RALGAPB: variants seen among roughly 807,000 people sequenced by gnomAD.
The protein encoded by RALGAPB is ral GTPase-activating protein subunit beta.
In RALGAPB, 25 loss-of-function variants were observed where a neutral mutation model predicts 161.1. The observed-to-expected ratio is 0.16, with a 90% confidence interval of 0.11 to 0.22. The LOEUF is 0.22. RALGAPB is among the 10% of genes least tolerant of loss of function. The pLI is 1.00. For missense variants in RALGAPB, 1,391 were observed against 1,815.2 expected (o/e 0.77, Z 4.25); for synonymous variants, 629 against 626.1 (o/e 1.00, Z -0.07).
chr20:38,564,545 C>T (rs1217779561), intron 24 of RALGAPB, among the ~76,000 whole-genome samples: 1 of 152,044 alleles, frequency 6.6e-6, no homozygotes, highest in East Asian at 1.9e-4. Context: ...GTCCATTTCC[C>T]CTTTCCAATT....
chr20:38,520,396 T>C (rs936951708), intron 9 of RALGAPB: 3 of 259,156 alleles, frequency 1.2e-5, no homozygotes, highest in Admixed American at 1.3e-4. Context: ...GAAAAATACT[T>C]TTCTGTGTTT....
intron 13 of RALGAPB, among the ~76,000 whole-genome samples, chr20:38,530,601 CTT>C (rs761028236): frequency 5.7e-5 from 8 of 140,912 alleles, no homozygotes; most frequent in Non-Finnish European, 4.7e-5. Flanking sequence ...TTTTCTTTCT[CTT>C]TTTTTTTTTT....
In RALGAPB at chr20:38,517,535, C is replaced by T. The variant is rs1447509928; in HGVS notation, c.1081C>T (p.Pro361Ser). 3 of 1,607,182 alleles carry T rather than the reference C, an allele frequency of 1.9e-6. No homozygotes were observed. The change falls in exon 8 of 30, where the codon CCC becomes TCC. Residue 361 changes from proline to serine, a missense_variant. Around this residue, in one of 3 missense-constraint regions of RALGAPB, gnomAD observed 946 missense variants for 1,257.2 expected, o/e 0.75. Transcript: ENST00000262879. ...GISRPRSDSA[P>S]PTPVNRLSMP... Reference sequence around the variant, plus strand: ...TTCTAGACCCCGATCAGACAGTGCTCCCCCAACACCCGTGAATAGATTAAG... The same window carrying T: ...TTCTAGACCCCGATCAGACAGTGCTTCCCCAACACCCGTGAATAGATTAAG...
chr20:38,553,811 T>G, intron 21 of RALGAPB, 56 bp from the exon 22 acceptor site: 1 of 808,590 alleles, frequency 1.2e-6, no homozygotes, highest in African/African-American at 1.8e-5. Flanking sequence ...ACACTTAAGA[T>G]TGGCCTTACT....
chr20:38,474,014 G>C (rs73290929), intron 1 of RALGAPB, among the ~76,000 whole-genome samples: 19,383 of 152,152 alleles, frequency 0.13, 3,442 homozygotes, highest in African/African-American at 0.4. Context: ...TCTTTAGGTT[G>C]ACTGACCACT....
chr20:38,544,092 C>T (rs1357950337), intron 18 of RALGAPB, among the ~76,000 whole-genome samples: 1 of 152,092 alleles, frequency 6.6e-6, no homozygotes, highest in Non-Finnish European at 1.5e-5. Context: ...TTCAACAGTC[C>T]CTTTGCCTGT....
At position 38,539,934 on chromosome 20, in the gene RALGAPB, G is replaced by A. The variant is rs932759928; in HGVS notation, c.2538G>A (p.Glu846=). ...AGTGTCTCTGTGTCTGGCTGACAGA[G>A]CACCCTGATATGCTTGATGAAAAGG... ...AFQCLCVWLT[E]HPDMLDEKDC... is the part of the protein sequence containing the mutation. Residue 846 remains glutamate (E), a synonymous_variant, in exon 17 of 30, where the codon GAG becomes GAA. Transcript: ENST00000262879. 5.6e-6 allele frequency: 9 copies of A among 1,613,482 alleles called. No individual in the cohort carries two copies. The African/African-American group carries it at 6.7e-5, about 12-fold the overall frequency.
chr20:38,554,042 C>T lies in RALGAPB; in HGVS notation c.3338C>T (p.Ser1113Leu). The T allele has an allele frequency of 6.2e-7, 1 of 1,613,486 alleles. No homozygotes were observed. The highest frequency in any genetic ancestry group is 1.3e-5 in the African/African-American group (1 of 74,956). Residue 1113 changes from serine to leucine, a missense_variant, in exon 22 of 30, where the codon TCA (serine) becomes TTA (leucine). Ser to Leu is a moderately radical substitution (Grantham distance 145). Coordinates refer to ENST00000262879, the MANE Select transcript of RALGAPB (RefSeq NM_020336.4). ...QEFQTARLFL[S>L]HFGFLSLEAL... ...TTCCAAACAGCCCGCCTTTTTCTCT[C>T]ACACTTTGGATTTTTGTCCTTAGAA... is the stretch of plus-strand genomic sequence containing the variant.
intron 1 of RALGAPB, among the ~76,000 whole-genome samples, chr20:38,477,452 TG>T: frequency 6.6e-6 from 1 of 152,178 alleles, no homozygotes. Flanking sequence ...AACCTGTCTT[TG>T]TTTCCTGTAA....
rs1046867096 is a variant in RALGAPB, at chr20:38,574,079, G to T, written c.4143-71G>T. 2.7e-6 allele frequency: 4 copies of T among 1,455,804 alleles called. No individual in the cohort carries two copies. The African/African-American group carries it at 5.8e-5, about 21-fold the overall frequency. 90.2% of individuals were successfully genotyped at this position (1,455,804 alleles called of 1,614,324 possible). A position where few individuals can be genotyped will look rare whatever the true frequency, so the allele number is the denominator to read the frequency against. ...TACTAATCTTAGGCTATATGTGGGGGACTTCAACTCTTGGGTGTCTCGGGG... is the reference window on the plus strand; with the variant it reads ...TACTAATCTTAGGCTATATGTGGGGTACTTCAACTCTTGGGTGTCTCGGGG... On this transcript the variant is annotated intron_variant, in intron 28 of 29. Coordinates refer to ENST00000262879, the MANE Select transcript of RALGAPB (RefSeq NM_020336.4).
chr20:38,524,717 A>G, intron 10 of RALGAPB, 61 bp from the exon 11 acceptor site: 8 of 1,328,288 alleles, frequency 6.0e-6, no homozygotes, highest in Non-Finnish European at 7.5e-6. Flanking sequence ...TATGTAGCAA[A>G]TAATAATTAT....
intron 9 of RALGAPB, among the ~76,000 whole-genome samples, chr20:38,518,958 C>G (rs6070443): frequency 0.034 from 5,156 of 152,290 alleles, 136 homozygotes; most frequent in African/African-American, 0.073. Flanking sequence ...GAAATGAATT[C>G]TTAGCTGTTA....
Position 38,565,356 on chromosome 20 carries a change from A to G in RALGAPB, c.3698-3A>G. 1 of 1,612,724 alleles carries G rather than the reference A, an allele frequency of 6.2e-7. No individual in the cohort carries two copies. Among genetic ancestry groups the G allele is most frequent in the Non-Finnish European group, 8.5e-7 (1 of 1,179,288 alleles). ...GTAATGTAGTGTTTCTTTTTCCCAG[A>G]AGAAGTGATTTCCTCTGAAGATATT... On this transcript the variant is annotated splice_polypyrimidine_tract_variant and splice_region_variant and intron_variant, in intron 24 of 29. Coordinates refer to ENST00000262879, the MANE Select transcript of RALGAPB (RefSeq NM_020336.4).
At chr20:38,523,054 T>C (rs956688652) in intron 10 of RALGAPB, among the ~76,000 whole-genome samples, 4 of 152,070 alleles carry the variant, frequency 2.6e-5, no homozygotes, top group African/African-American at 9.7e-5. Context: ...CTCGGGAAGC[T>C]GAGGCAGAAG....
chr20:38,484,283 C>T (rs1600826947), intron 1 of RALGAPB, among the ~76,000 whole-genome samples: 2 of 152,132 alleles, frequency 1.3e-5, no homozygotes, highest in East Asian at 3.9e-4. Context: ...CCTTTTTTCC[C>T]TAACAGCAAC....
At chr20:38,555,891 C>G (rs2087571597) in intron 22 of RALGAPB, among the ~76,000 whole-genome samples, 1 of 152,138 alleles carries the variant, frequency 6.6e-6, no homozygotes, top group Non-Finnish European at 1.5e-5. Flanking sequence ...GAATGCTAAG[C>G]AGACTTAGTT....
rs762668223 is a variant in RALGAPB, at chr20:38,546,259, G to A, written c.2731G>A (p.Gly911Ser). The A allele has an allele frequency of 3.1e-6, 5 of 1,613,974 alleles. No individual in the cohort carries two copies. Among genetic ancestry groups the A allele is most frequent in the South Asian group, 1.1e-5 (1 of 91,056 alleles). Residue 911 changes from glycine (G) to serine (S), a missense_variant, in exon 19 of 30, where the codon GGC becomes AGC. Physicochemically the swap from Gly to Ser is moderately conservative, Grantham distance 56 (BLOSUM62 0). This residue lies in a region of RALGAPB where 946 missense variants were observed against 1,257.2 expected (regional missense o/e 0.75). Coordinates refer to ENST00000262879, the MANE Select transcript of RALGAPB (RefSeq NM_020336.4). ...TCTCCATAGCATTATGCAGTTGCTC[G>A]GCGCATTTCCTTCACCTAGTGGTCC... ...ATLTCIMQLL[G>S]AFPSPSGPAS...
rs536116530 is a variant in RALGAPB at position 38,578,142 on chromosome 20, C to T, written c.*3175C>T. ...TAGTTCTCTATTCACCATTTTAAAG[C>T]CCATTCAGGTTCTCTCTTCCTGAAA... On this transcript the variant is annotated 3_prime_UTR_variant, in exon 30 of 30. Coordinates refer to ENST00000262879, the MANE Select transcript of RALGAPB (RefSeq NM_020336.4). 1 of 152,310 alleles carries T rather than the reference C, an allele frequency of 6.6e-6. No individual in the cohort carries two copies. Among genetic ancestry groups the T allele is most frequent in the African/African-American group, 2.4e-5 (1 of 41,570 alleles). The allele number at this position is 152,310 out of a possible 1,614,324, so 9.4% of individuals were successfully genotyped here.
rs999879613 is a variant in RALGAPB at position 38,475,672 on chromosome 20, T to A, written c.-31+2603T>A. Among the ~76,000 whole-genome samples the A allele has an allele frequency of 3.3e-5, 5 of 151,492 alleles. No individual in the cohort carries two copies. In the East Asian group the frequency reaches 5.8e-4, roughly 18 times the overall value. On this transcript the variant is annotated intron_variant, in intron 1 of 29. Coordinates refer to ENST00000262879, the MANE Select transcript of RALGAPB (RefSeq NM_020336.4). ...CTCTGTCCCCCAGGCTGGAGTGTAG[T>A]GGCGCAATCTCAGCTCACTACAACC... is the stretch of plus-strand genomic sequence containing the variant.
Sources: allele counts gnomAD v4.1 joint callset (sites outside exome capture counted in the v4.1 genomes callset), GRCh38; gene constraint gnomAD v4.1.1; regional missense constraint gnomAD v4.1.1; transcripts MANE v1.5; gene names NCBI Gene and HGNC (gene_info 2026-07-23, HGNC 2026-07-21).